Variants in PIK3R3 observed in about 807,000 individuals in gnomAD.
The protein encoded by PIK3R3 is phosphatidylinositol 3-kinase regulatory subunit gamma.
In PIK3R3, 64 loss-of-function variants were observed where a neutral mutation model predicts 62.9. The observed-to-expected ratio is 1.02, with a 90% CI of 0.83 to 1.25. PIK3R3 has a LOEUF of 1.25. Among genes scored for constraint, PIK3R3 ranks in the 50% most tolerant of loss-of-function variants. The pLI is 0.00. For missense variants in PIK3R3, 614 were observed against 561.6 expected (o/e 1.09, Z -0.94); for synonymous variants, 165 against 189.0 (o/e 0.87, Z 1.04).
the PIK3R3 span, among the ~76,000 whole-genome samples, chr1:46,145,790 G>T: frequency 6.6e-6 from 1 of 152,124 alleles, no homozygotes; most frequent in Non-Finnish European, 1.5e-5. Context: ...CCACCTCTTG[G>T]TTCTAAAGGT....
chr1:46,159,121 A>AAATAAAT, the PIK3R3 span, among the ~76,000 whole-genome samples: 1 of 148,056 alleles, frequency 6.8e-6, no homozygotes, highest in East Asian at 1.9e-4. Flanking sequence ...ATAAATAAAT[A>AAATAAAT]AAATAAAATG....
At chr1:46,138,102 A>G in the PIK3R3 span, among the ~76,000 whole-genome samples, 1 of 152,174 alleles carries the variant, frequency 6.6e-6, no homozygotes, top group Non-Finnish European at 1.5e-5. Flanking sequence ...ATTCAGGAAA[A>G]TTCAGCAGCT....
In PIK3R3 at chr1:46,132,106, G is replaced by T; in HGVS notation, c.-154C>A. 3.5e-6 allele frequency: 5 copies of T among 1,420,600 alleles called. No individual in the cohort carries two copies. Among genetic ancestry groups the T allele is most frequent in the Non-Finnish European group, 4.6e-6 (5 of 1,092,028 alleles). 88.0% of individuals were successfully genotyped at this position (1,420,600 alleles called of 1,614,324 possible). On this transcript the variant is annotated 5_prime_UTR_variant, in exon 1 of 10. Transcript: ENST00000262741. The stretch of plus-strand genomic sequence containing the variant: ...CAGTACCAGTCCGGCCAAACTACCC[G>T]AACAGGGTCCTCCCCCTCTCTCCTA...
chr1:46,079,960 A>G (rs1208749688), intron 2 of PIK3R3, among the ~76,000 whole-genome samples: 2 of 151,696 alleles, frequency 1.3e-5, no homozygotes, highest in Non-Finnish European at 2.9e-5. Flanking sequence ...TCTCAAAACA[A>G]ATAAATAATG....
intron 7 of PIK3R3, among the ~76,000 whole-genome samples, chr1:46,050,691 T>C (rs1415162681): frequency 6.6e-6 from 1 of 152,152 alleles, no homozygotes; most frequent in Non-Finnish European, 1.5e-5. Context: ...ATCCAGGAAT[T>C]TCACTCCTCA....
At chr1:46,114,996 T>C (rs1654059795) in intron 1 of PIK3R3, among the ~76,000 whole-genome samples, 1 of 152,112 alleles carries the variant, frequency 6.6e-6, no homozygotes. Context: ...CACAGAAAGC[T>C]ACCCAGATTT....
chr1:46,056,998 T>C (rs1394340149), intron 6 of PIK3R3: 1 of 152,102 alleles, frequency 6.6e-6, no homozygotes, highest in Non-Finnish European at 1.5e-5. Flanking sequence ...AATGGTGATA[T>C]GGTTTGGCTG....
chr1:46,074,267 C>CCT lies in PIK3R3; in HGVS notation c.314+3247_314+3248insAG, dbSNP rs1649831654. On this transcript the variant is annotated intron_variant, in intron 3 of 9. Transcript: ENST00000262741. ...ATCAGCCACTGCACTCCAGCCTGGG[C>CCT]GACAGAGCTAGACTCCGTCAAAAAA... Among the ~76,000 whole-genome samples, 4 of 106,566 alleles carry CCT rather than the reference C, an allele frequency of 3.8e-5. No individual in the cohort carries two copies. The Admixed American group carries it at 4.5e-4, about 12-fold the overall frequency. The allele number at this position is 106,566 out of a possible 152,430, so 69.9% of individuals were successfully genotyped here.
chr1:46,159,297 A>C, the PIK3R3 span, among the ~76,000 whole-genome samples: 1 of 152,142 alleles, frequency 6.6e-6, no homozygotes, highest in African/African-American at 2.4e-5. Flanking sequence ...GTCAGGGGCA[A>C]AGCCCAGATT....
chr1:46,067,929 T>G (rs190120715), intron 3 of PIK3R3, among the ~76,000 whole-genome samples: 6 of 152,332 alleles, frequency 3.9e-5, no homozygotes, highest in African/African-American at 1.4e-4. Flanking sequence ...TAAGGCATAA[T>G]CTAAAACCAC....
At chr1:46,174,057 G>A in the PIK3R3 span, among the ~76,000 whole-genome samples, 1 of 152,156 alleles carries the variant, frequency 6.6e-6, no homozygotes, top group Non-Finnish European at 1.5e-5. Flanking sequence ...GCATGTTTCT[G>A]TCTGTGTTCA....
intron 1 of PIK3R3, among the ~76,000 whole-genome samples, chr1:46,106,857 C>T (rs772747759): frequency 2.0e-5 from 3 of 152,058 alleles, no homozygotes; most frequent in Non-Finnish European, 4.4e-5. Context: ...CTCACTGCAA[C>T]CTCTGCCGCC....
intron 1 of PIK3R3, among the ~76,000 whole-genome samples, chr1:46,128,378 A>C (rs1655277601): frequency 6.6e-6 from 1 of 152,216 alleles, no homozygotes; most frequent in African/African-American, 2.4e-5. Flanking sequence ...TGGAGGTTGC[A>C]GTGAGCCGAG....
Position 46,132,616 on chromosome 1 carries a change from C to G in PIK3R3, c.-664G>C, listed in dbSNP as rs1019870861. 1.3e-4 allele frequency: 166 copies of G among 1,289,546 alleles called. No individual in the cohort carries two copies. Among genetic ancestry groups the G allele is most frequent in the Non-Finnish European group, 1.4e-4 (142 of 988,794 alleles). 79.9% of individuals were successfully genotyped at this position (1,289,546 alleles called of 1,614,324 possible). ...AACCAACCCGACCGCACCAACTGCCCTCAAGCTCTGCCCGGACTCCAGCCA... is the reference window on the plus strand; with the variant it reads ...AACCAACCCGACCGCACCAACTGCCGTCAAGCTCTGCCCGGACTCCAGCCA... On this transcript the variant is annotated 5_prime_UTR_variant, in exon 1 of 10. Transcript: ENST00000262741.
chr1:46,128,053 G>A (rs1383679667), intron 1 of PIK3R3, among the ~76,000 whole-genome samples: 1 of 152,186 alleles, frequency 6.6e-6, no homozygotes, highest in Non-Finnish European at 1.5e-5. Context: ...TGAAAAGATA[G>A]GCTAGAGGGA....
chr1:46,113,400 C>A (rs1339677152), intron 1 of PIK3R3, among the ~76,000 whole-genome samples: 1 of 150,972 alleles, frequency 6.6e-6, no homozygotes, highest in Non-Finnish European at 1.5e-5. Flanking sequence ...CTCAAGGAAT[C>A]CTCCCACTTC....
chr1:46,116,182 G>C (rs528835522), intron 1 of PIK3R3, among the ~76,000 whole-genome samples: 61 of 152,106 alleles, frequency 4.0e-4, no homozygotes, highest in Admixed American at 1.6e-3. Context: ...GGACGCTATG[G>C]AGATGAGCCA....
chr1:46,108,275 A>T (rs1280191208), intron 1 of PIK3R3, among the ~76,000 whole-genome samples: 4 of 152,182 alleles, frequency 2.6e-5, no homozygotes, highest in Non-Finnish European at 5.9e-5. Context: ...TATTCACTTA[A>T]TGTTGAACAT....
intron 3 of PIK3R3, among the ~76,000 whole-genome samples, chr1:46,069,883 C>G (rs1269422860): frequency 6.6e-6 from 1 of 152,150 alleles, no homozygotes; most frequent in Non-Finnish European, 1.5e-5. Flanking sequence ...TACAAAAGCA[C>G]TTCAACAAAG....
Sources: allele counts gnomAD v4.1 joint callset (sites outside exome capture counted in the v4.1 genomes callset), GRCh38; gene constraint gnomAD v4.1.1; transcripts MANE v1.5; gene names NCBI Gene and HGNC (gene_info 2026-07-23, HGNC 2026-07-21).